PKNOX2: variants seen among roughly 807,000 people sequenced by gnomAD.
PKNOX2 encodes the protein homeobox protein PKNOX2.
A neutral mutation model predicts 53.1 loss-of-function variants in PKNOX2; 14 were observed. The ratio of observed to expected loss-of-function variants is 0.26; its 90% CI spans 0.17 to 0.41. PKNOX2 has a LOEUF of 0.41. Among genes scored for constraint, PKNOX2 ranks in the 10% least tolerant of loss-of-function variants. The pLI, the probability that PKNOX2 is intolerant of heterozygous loss-of-function variation, is 1.00. For synonymous variants in PKNOX2, 257 were observed against 242.8 expected, an observed-to-expected ratio of 1.06 and a Z score of -0.54; for missense variants, 496 against 602.8, an observed-to-expected ratio of 0.82 and a Z score of 1.85.
intron 2 of PKNOX2, among the ~76,000 whole-genome samples, chr11:125,252,877 T>C (rs764464485): frequency 2.0e-5 from 3 of 152,096 alleles, no homozygotes; most frequent in Non-Finnish European, 4.4e-5. Context: ...TCTGTCGAGT[T>C]CTTAAAAGCA....
Position 125,199,896 on chromosome 11 carries a change from C to T in PKNOX2, c.-201+35120C>T, listed in dbSNP as rs138581215. On this transcript the variant is annotated intron_variant, in intron 1 of 12. Transcript: ENST00000298282. ...ACAAAACAAAACTTACTGGGTCTCT[C>T]GTTGCTATGTGTATGGACTGGACGA... 2.4e-3 allele frequency among the ~76,000 whole-genome samples: 364 copies of T among 152,276 alleles called. 3 individuals carry two copies. Among genetic ancestry groups the T allele is most frequent in the African/African-American group, 8.4e-3 (349 of 41,550 alleles).
rs138341697 is a variant in PKNOX2 at position 125,399,270 on chromosome 11, G to A, written c.588+1208G>A. Reference sequence around the variant, plus strand: ...ATTACAGATCTAAAAACACCCGCCCGGGCTTCTGCCTGCTAATATTCTCTT... The same window carrying A: ...ATTACAGATCTAAAAACACCCGCCCAGGCTTCTGCCTGCTAATATTCTCTT... On this transcript the variant is annotated intron_variant, in intron 7 of 12. Coordinates refer to ENST00000298282, the MANE Select transcript of PKNOX2 (RefSeq NM_001382323.2). Among the ~76,000 whole-genome samples the A allele has an allele frequency of 3.8e-4, 58 of 152,318 alleles. No individual in the cohort carries two copies. In the South Asian group the frequency reaches 6.0e-3, roughly 16 times the overall value.
chr11:125,398,143 T>A, intron 7 of PKNOX2, 81 bp downstream of exon 7: 1 of 1,419,030 alleles, frequency 7.0e-7, no homozygotes, highest in Non-Finnish European at 9.6e-7. Flanking sequence ...GAAGGTCCCC[T>A]GGTGACCTTC....
chr11:125,182,505 T>C (rs953396384), intron 1 of PKNOX2, among the ~76,000 whole-genome samples: 1 of 152,234 alleles, frequency 6.6e-6, no homozygotes, highest in Non-Finnish European at 1.5e-5. Flanking sequence ...AGTGTCCTCA[T>C]TTGTAAATGT....
chr11:125,404,786 G>A (rs969701095), intron 7 of PKNOX2, among the ~76,000 whole-genome samples: 9 of 152,164 alleles, frequency 5.9e-5, no homozygotes, highest in African/African-American at 1.9e-4. Context: ...CAAAAAGCCT[G>A]CCACCAAGCT....
At chr11:125,354,800 C>G (rs1591539672) in intron 4 of PKNOX2, among the ~76,000 whole-genome samples, 1 of 152,136 alleles carries the variant, frequency 6.6e-6, no homozygotes, top group Non-Finnish European at 1.5e-5. Context: ...AGTAGAGAAG[C>G]ATTCACTGTT....
intron 2 of PKNOX2, among the ~76,000 whole-genome samples, chr11:125,250,228 T>C (rs1452730344): frequency 6.6e-6 from 1 of 152,030 alleles, no homozygotes; most frequent in African/African-American, 2.4e-5. Context: ...GGGTGATAAA[T>C]TTGAGGTCCT....
chr11:125,327,993 T>C (rs1949925304), intron 2 of PKNOX2, among the ~76,000 whole-genome samples: 1 of 152,210 alleles, frequency 6.6e-6, no homozygotes, highest in South Asian at 2.1e-4. Flanking sequence ...CTCTGAGTTG[T>C]AGCTCCTCTG....
In PKNOX2 at chr11:125,410,862, A is replaced by C. The variant is rs1318619590; in HGVS notation, c.802A>C (p.Ile268Leu). ...TQAIPQGAIQ[I>L]QNTQVNLDLT... ...AGCAATCCCCCAGGGAGCCATCCAGATCCAGAACACACAGGTGAGTGTGTG... is the reference window on the plus strand; with the variant it reads ...AGCAATCCCCCAGGGAGCCATCCAGCTCCAGAACACACAGGTGAGTGTGTG... The change falls in exon 9 of 13, where the codon ATC (isoleucine) becomes CTC (leucine). Residue 268 changes from isoleucine to leucine, a missense_variant. By Grantham distance (5) the Ile-to-Leu change is conservative (BLOSUM62 2). Coordinates refer to ENST00000298282, the MANE Select transcript of PKNOX2 (RefSeq NM_001382323.2). 8.1e-6 allele frequency: 13 copies of C among 1,613,840 alleles called. No homozygotes were observed. Among genetic ancestry groups the C allele is most frequent in the East Asian group, 2.2e-5 (1 of 44,866 alleles).
chr11:125,263,169 GT>G (rs1211067500), intron 2 of PKNOX2, among the ~76,000 whole-genome samples: 1 of 152,188 alleles, frequency 6.6e-6, no homozygotes, highest in Non-Finnish European at 1.5e-5. Flanking sequence ...TTGGGCCTCA[GT>G]TTCCCCAGAA....
At chr11:125,305,934 A>C (rs186273433) in intron 2 of PKNOX2, among the ~76,000 whole-genome samples, 1 of 152,310 alleles carries the variant, frequency 6.6e-6, no homozygotes, top group African/African-American at 2.4e-5. Context: ...AATGCTAAAC[A>C]CTGCCTTTAT....
At chr11:125,227,904 G>T (rs918350961) in intron 1 of PKNOX2, among the ~76,000 whole-genome samples, 18 of 152,300 alleles carry the variant, frequency 1.2e-4, no homozygotes, top group African/African-American at 4.1e-4. Flanking sequence ...GAGCCCCGGA[G>T]GAGCCACAGA....
chr11:125,349,348 AAGAG>A (rs1257494032), intron 3 of PKNOX2, among the ~76,000 whole-genome samples: 1 of 151,556 alleles, frequency 6.6e-6, no homozygotes, highest in Non-Finnish European at 1.5e-5. Context: ...CCCCTGCCTG[AAGAG>A]AGAGGCTCCC....
intron 6 of PKNOX2, among the ~76,000 whole-genome samples, chr11:125,394,625 A>G (rs1021492209): frequency 2.6e-5 from 4 of 152,226 alleles, no homozygotes; most frequent in Non-Finnish European, 4.4e-5. Flanking sequence ...CACAGTCACA[A>G]TTCTCTGGGA....
chr11:125,381,623 G>A (rs540982123), intron 5 of PKNOX2, among the ~76,000 whole-genome samples: 59 of 152,196 alleles, frequency 3.9e-4, no homozygotes, highest in Non-Finnish European at 6.9e-4. Flanking sequence ...GGAGGTGCAT[G>A]TTCCCTGCTG....
intron 1 of PKNOX2, among the ~76,000 whole-genome samples, chr11:125,200,896 C>G (rs980006068): frequency 6.6e-6 from 1 of 152,200 alleles, no homozygotes; most frequent in African/African-American, 2.4e-5. Flanking sequence ...GGGACTCCCC[C>G]TCTAGACCGT....
At chr11:125,387,370 A>C (rs1424896725) in intron 6 of PKNOX2, among the ~76,000 whole-genome samples, 6 of 152,152 alleles carry the variant, frequency 3.9e-5, no homozygotes. Flanking sequence ...ATGTGAAATA[A>C]CTTATACCTT....
intron 1 of PKNOX2, among the ~76,000 whole-genome samples, chr11:125,190,337 G>A (rs150473965): frequency 9.2e-5 from 14 of 152,236 alleles, no homozygotes; most frequent in Middle Eastern, 3.4e-3. Context: ...GCATGTCACC[G>A]CCTTCCCAGT....
chr11:125,382,059 C>A (rs539671137), intron 5 of PKNOX2, among the ~76,000 whole-genome samples: 16 of 152,336 alleles, frequency 1.1e-4, no homozygotes, highest in African/African-American at 3.6e-4. Context: ...CCTTACCCCA[C>A]ATGCCACTCA....
Sources: allele counts gnomAD v4.1 joint callset (sites outside exome capture counted in the v4.1 genomes callset), GRCh38; gene constraint gnomAD v4.1.1; transcripts MANE v1.5; gene names NCBI Gene and HGNC (gene_info 2026-07-23, HGNC 2026-07-21).